MAPKAPK2: variants seen among roughly 807,000 people sequenced by gnomAD.
MAPKAPK2 encodes the protein MAPK activated protein kinase 2, also known as MAP kinase-activated protein kinase 2.
A neutral mutation model predicts 48.8 loss-of-function variants in MAPKAPK2; 9 were observed. That is an observed-to-expected ratio of 0.18 (90% CI 0.11 to 0.32). The LOEUF (loss-of-function observed/expected upper bound fraction) is 0.32. Ranked by LOEUF, MAPKAPK2 falls within the 10% of genes least tolerant of loss-of-function variation. MAPKAPK2 has a pLI of 1.00. For synonymous variants in MAPKAPK2, 202 were observed against 190.6 expected (o/e 1.06, Z -0.49); for missense variants, 331 against 498.3 (o/e 0.66, Z 3.20).
intron 1 of MAPKAPK2, among the ~76,000 whole-genome samples, chr1:206,700,239 G>A (rs1553427717): frequency 1.3e-5 from 2 of 152,088 alleles, no homozygotes; most frequent in Non-Finnish European, 2.9e-5. Flanking sequence ...AGTAGTCAGT[G>A]CTTGGACTGA....
At position 206,732,516 on chromosome 1, in the gene MAPKAPK2, T is replaced by C; in HGVS notation, c.1060-59T>C. 1 of 1,597,666 alleles carries C rather than the reference T, an allele frequency of 6.3e-7. No homozygotes were observed. Among genetic ancestry groups the C allele is most frequent in the Non-Finnish European group, 8.5e-7 (1 of 1,169,712 alleles). ...TGTCTCTCACGTCTCTCTTCTGCTGTCTCTCCTACCTGTCTTCTGGCTCTC... is the reference window on the plus strand; with the variant it reads ...TGTCTCTCACGTCTCTCTTCTGCTGCCTCTCCTACCTGTCTTCTGGCTCTC... On this transcript the variant is annotated intron_variant, in intron 9 of 9. Coordinates refer to ENST00000367103, the MANE Select transcript of MAPKAPK2 (RefSeq NM_032960.4). This position sits in a 1 kb window ranked among gnomAD's most constrained non-coding sequence, Gnocchi z 4.4.
chr1:206,686,541 A>G (rs879995392), intron 1 of MAPKAPK2, among the ~76,000 whole-genome samples: 36 of 152,170 alleles, frequency 2.4e-4, no homozygotes, highest in African/African-American at 5.1e-4. Flanking sequence ...GGTCAAACCA[A>G]TCTCTAAAGG....
chr1:206,732,806 T>A lies in MAPKAPK2; in HGVS notation c.*88T>A, dbSNP rs914111579. The A allele has an allele frequency of 2.1e-6, 3 of 1,438,080 alleles. No individual in the cohort carries two copies. The highest frequency in any genetic ancestry group is 2.6e-5 in the South Asian group (2 of 78,314). The allele number at this position is 1,438,080 out of a possible 1,614,324, so 89.1% of individuals were successfully genotyped here. A position where few individuals can be genotyped will look rare whatever the true frequency, so the allele number is the denominator to read the frequency against. The stretch of plus-strand genomic sequence containing the variant: ...AAACGAAGAGACAGAACTGTCCACA[T>A]CTGCCTCCTCTCCTCCTCAGCTGCA... On this transcript the variant is annotated 3_prime_UTR_variant, in exon 10 of 10. Coordinates refer to ENST00000367103, the MANE Select transcript of MAPKAPK2 (RefSeq NM_032960.4). This position sits in a 1 kb window ranked among gnomAD's most constrained non-coding sequence, Gnocchi z 4.4.
chr1:206,725,050 G>T (rs181336503), intron 1 of MAPKAPK2, among the ~76,000 whole-genome samples: 1 of 152,226 alleles, frequency 6.6e-6, no homozygotes, highest in Non-Finnish European at 1.5e-5. Flanking sequence ...GCAGAACTGG[G>T]ATTCAAAATG....
chr1:206,729,479 C>T lies in MAPKAPK2; in HGVS notation c.564+4C>T, dbSNP rs56117360. On this transcript the variant is annotated splice_donor_region_variant and intron_variant, in intron 4 of 9. Coordinates refer to ENST00000367103, the MANE Select transcript of MAPKAPK2 (RefSeq NM_032960.4). The stretch of plus-strand genomic sequence containing the variant: ...CATTGCCCATCGGGATGTCAAGGTG[C>T]CAGCTGTTCATAACCCTGAGCCCGA... 2,613 of 1,612,992 alleles carry T rather than the reference C, an allele frequency of 1.6e-3. 40 individuals are homozygous for T. The African/African-American group carries it at 0.032, about 20-fold the overall frequency.
rs1672266071 is a variant in MAPKAPK2 at position 206,685,629 on chromosome 1, G to GGGGCGGGGCGGCCGGGCCGGCGGTGCC, written c.279+123_279+149dup. On this transcript the variant is annotated intron_variant, in intron 1 of 9. Coordinates refer to ENST00000367103, the MANE Select transcript of MAPKAPK2 (RefSeq NM_032960.4). ...GGCGGAGGGGTGGCCGCGGCGGGGC[G>GGGGCGGGGCGGCCGGGCCGGCGGTGCC]GGGCGGGGCGGCCGGGCCGGCGGTG... is the stretch of plus-strand genomic sequence containing the variant. 3 of 742,302 alleles carry GGGGCGGGGCGGCCGGGCCGGCGGTGCC rather than the reference G, an allele frequency of 4.0e-6. No homozygotes were observed. The African/African-American group carries it at 5.8e-5, about 14-fold the overall frequency. 46.0% of individuals were successfully genotyped at this position (742,302 alleles called of 1,614,324 possible).
Position 206,732,994 on chromosome 1 carries a change from C to A in MAPKAPK2, c.*276C>A, listed in dbSNP as rs964407710. The A allele has an allele frequency of 2.4e-4, 102 of 422,636 alleles. No homozygotes were observed. The highest frequency in any genetic ancestry group is 6.2e-4 in the Middle Eastern group (1 of 1,604). 26.2% of individuals were successfully genotyped at this position (422,636 alleles called of 1,614,324 possible). On this transcript the variant is annotated 3_prime_UTR_variant, in exon 10 of 10. Transcript: ENST00000367103. This position sits in a 1 kb window ranked among gnomAD's most constrained non-coding sequence, Gnocchi z 4.4. Reference sequence around the variant, plus strand: ...TCAGTAATTTGACTTAGAGTTTTTACGAAACCTCTTTTGTTGTCCTTGCCC... The same window carrying A: ...TCAGTAATTTGACTTAGAGTTTTTAAGAAACCTCTTTTGTTGTCCTTGCCC...
chr1:206,706,017 C>T (rs552919155), intron 1 of MAPKAPK2, among the ~76,000 whole-genome samples: 2 of 152,302 alleles, frequency 1.3e-5, no homozygotes, highest in East Asian at 3.9e-4. Context: ...AAACTGGCAA[C>T]TGGGAGTAAA....
In MAPKAPK2 at chr1:206,731,800, C is replaced by T. The variant is rs1673921698; in HGVS notation, c.979-39C>T. On this transcript the variant is annotated intron_variant, in intron 8 of 9. Coordinates refer to ENST00000367103, the MANE Select transcript of MAPKAPK2 (RefSeq NM_032960.4). The surrounding 1 kb of genome is among the most constrained non-coding windows in gnomAD (Gnocchi z 5.9). ...GGACAGAGTCTTAGCCAGGACCCTA[C>T]CCCAGGCTTTCACTCGGACCCCTTT... The T allele has an allele frequency of 6.2e-7, 1 of 1,609,430 alleles. No individual in the cohort carries two copies. The highest frequency in any genetic ancestry group is 2.2e-5 in the East Asian group (1 of 44,858).
At chr1:206,700,854 G>A (rs979200712) in intron 1 of MAPKAPK2, among the ~76,000 whole-genome samples, 2 of 152,222 alleles carry the variant, frequency 1.3e-5, no homozygotes, top group Admixed American at 1.3e-4. Context: ...CCCTGAGAAC[G>A]AGGGCTGCTT....
intron 1 of MAPKAPK2, among the ~76,000 whole-genome samples, chr1:206,690,473 G>T (rs1410847219): frequency 6.6e-6 from 1 of 152,250 alleles, no homozygotes; most frequent in Non-Finnish European, 1.5e-5. Flanking sequence ...GCCAAATATT[G>T]GTGGGTGTCT....
intron 1 of MAPKAPK2, among the ~76,000 whole-genome samples, chr1:206,712,800 T>C (rs1673196789): frequency 2.0e-5 from 3 of 151,930 alleles, no homozygotes; most frequent in Non-Finnish European, 4.4e-5. Context: ...ACCCCATCTG[T>C]ACTAAAAATA....
chr1:206,723,405 T>C (rs4240848), intron 1 of MAPKAPK2, among the ~76,000 whole-genome samples: 114,661 of 152,022 alleles, frequency 0.75, 43,552 homozygotes, highest in Middle Eastern at 0.92. Context: ...TAACTCATCT[T>C]GTATAGCAAG....
In MAPKAPK2 at chr1:206,704,159, G is replaced by A. The variant is rs1672882300; in HGVS notation, c.279+18651G>A. 6.6e-6 allele frequency among the ~76,000 whole-genome samples: 1 copy of A among 152,238 alleles called. No homozygotes were observed. Among genetic ancestry groups the A allele is most frequent in the East Asian group, 1.9e-4 (1 of 5,204 alleles). The stretch of plus-strand genomic sequence containing the variant: ...TGATAGTTTTTCCTGGAGTTGGGGA[G>A]GGGTCCTACTTTCAGATCCAAAAGA... On this transcript the variant is annotated intron_variant, in intron 1 of 9. Transcript: ENST00000367103. This position sits in a 1 kb window ranked among gnomAD's most constrained non-coding sequence, Gnocchi z 4.3.
chr1:206,722,668 C>G (rs1167101645), intron 1 of MAPKAPK2, among the ~76,000 whole-genome samples: 1 of 152,202 alleles, frequency 6.6e-6, no homozygotes, highest in Admixed American at 6.5e-5. Context: ...TGGATCCACG[C>G]AGTTCAAACC....
At chr1:206,696,150 A>G in intron 1 of MAPKAPK2, 6 of 1,565,244 alleles carry the variant, frequency 3.8e-6, no homozygotes, top group Non-Finnish European at 2.6e-6. Context: ...CATGGACAAA[A>G]GTGTCATTGA....
chr1:206,685,164 G>T lies in MAPKAPK2; in HGVS notation c.-66G>T. The T allele has an allele frequency of 3.9e-6, 1 of 254,484 alleles. No homozygotes were observed. The highest frequency in any genetic ancestry group is 7.3e-6 in the Non-Finnish European group (1 of 137,910). The allele number at this position is 254,484 out of a possible 1,614,324, so 15.8% of individuals were successfully genotyped here. On this transcript the variant is annotated 5_prime_UTR_variant, in exon 1 of 10. Coordinates refer to ENST00000367103, the MANE Select transcript of MAPKAPK2 (RefSeq NM_032960.4). ...GCCCGTCGGGGGGCGGCGGGGAGGG[G>T]GCCCGGAGCCGGAGGAGGGGGCGGC...
chr1:206,729,835 C>T, intron 4 of MAPKAPK2, 137 bp from the exon 5 acceptor site: 5 of 1,078,904 alleles, frequency 4.6e-6, no homozygotes, highest in South Asian at 1.5e-5. Context: ...GCTGCCACTC[C>T]TCGTGGTGGG....
intron 2 of MAPKAPK2, 70 bp downstream of exon 2, chr1:206,728,919 G>A (rs1553432237): frequency 1.2e-6 from 2 of 1,612,324 alleles, no homozygotes; most frequent in Admixed American, 1.7e-5. Context: ...TACCCTCTGA[G>A]GACAGCCCAG....
Sources: allele counts gnomAD v4.1 joint callset (sites outside exome capture counted in the v4.1 genomes callset), GRCh38; gene constraint gnomAD v4.1.1; non-coding constraint Gnocchi (gnomAD v3.1); transcripts MANE v1.5; gene names NCBI Gene and HGNC (gene_info 2026-07-23, HGNC 2026-07-21).